Variants in SGCZ observed in about 807,000 individuals in gnomAD.
SGCZ encodes the protein sarcoglycan zeta.
Under a neutral mutation model 41.3 loss-of-function variants are expected in SGCZ, and 40 were observed. That is an observed-to-expected ratio of 0.97 (90% CI 0.75 to 1.26). SGCZ has a LOEUF of 1.26. Ranked by LOEUF, SGCZ falls within the 50% of genes most tolerant of loss-of-function variation. SGCZ has a pLI of 0.00. For synonymous variants in SGCZ, 206 were observed against 137.5 expected, an observed-to-expected ratio of 1.50 and a Z score of -3.49; for missense variants, 552 against 369.8, an observed-to-expected ratio of 1.49 and a Z score of -4.04.
rs117502667 is a variant in SGCZ, at chr8:14,312,567, G to A, written c.336+11536C>T. ...CCAGGAACTTGAAGCTCCAGTGTGCGATAATCACACCTGTGAATAGCCACT... is the reference window on the plus strand; with the variant it reads ...CCAGGAACTTGAAGCTCCAGTGTGCAATAATCACACCTGTGAATAGCCACT... On this transcript the variant is annotated intron_variant, in intron 3 of 7. Coordinates refer to ENST00000382080, the MANE Select transcript of SGCZ (RefSeq NM_139167.4). Among the ~76,000 whole-genome samples, 1,395 of 152,148 alleles carry A rather than the reference G, an allele frequency of 9.2e-3. 11 individuals carry two copies. The highest frequency in any genetic ancestry group is 0.031 in the Middle Eastern group (9 of 294).
chr8:14,406,067 T>C (rs1192802130), intron 2 of SGCZ, among the ~76,000 whole-genome samples: 1 of 151,768 alleles, frequency 6.6e-6, no homozygotes, highest in African/African-American at 2.4e-5. Flanking sequence ...AATATATGCA[T>C]GATCTCATCT....
At chr8:15,216,556 G>C (rs1047348830) in intron 1 of SGCZ, among the ~76,000 whole-genome samples, 1 of 151,878 alleles carries the variant, frequency 6.6e-6, no homozygotes, top group Non-Finnish European at 1.5e-5. Flanking sequence ...ACGTAACAAA[G>C]ACCCTGTACA....
chr8:15,132,893 C>T (rs1009593383), intron 1 of SGCZ, among the ~76,000 whole-genome samples: 3 of 152,086 alleles, frequency 2.0e-5, no homozygotes, highest in Non-Finnish European at 2.9e-5. Flanking sequence ...GTAATCTCAC[C>T]ACTTTGGAAA....
chr8:14,382,626 T>C (rs187970609), intron 2 of SGCZ, among the ~76,000 whole-genome samples: 1 of 152,240 alleles, frequency 6.6e-6, no homozygotes, highest in African/African-American at 2.4e-5. Context: ...TATTTGAGAT[T>C]GAGGGTTAAA....
At chr8:14,115,532 G>C (rs1461777146) in intron 5 of SGCZ, among the ~76,000 whole-genome samples, 2 of 151,896 alleles carry the variant, frequency 1.3e-5, no homozygotes, top group African/African-American at 2.4e-5. Context: ...ATAAAGTCTA[G>C]ATAAGCTTTC....
intron 1 of SGCZ, among the ~76,000 whole-genome samples, chr8:14,972,377 C>T (rs1465459619): frequency 1.3e-5 from 2 of 151,914 alleles, no homozygotes; most frequent in African/African-American, 2.4e-5. Flanking sequence ...CCATGTTTTA[C>T]TGTTAACTTA....
chr8:14,387,786 A>C (rs1585438052), intron 2 of SGCZ, among the ~76,000 whole-genome samples: 3 of 152,230 alleles, frequency 2.0e-5, no homozygotes, highest in Admixed American at 2.0e-4. Flanking sequence ...TTAAGGTTCT[A>C]TTTAGGTTAC....
chr8:14,492,194 A>T (rs1801860591), intron 2 of SGCZ, among the ~76,000 whole-genome samples: 1 of 152,210 alleles, frequency 6.6e-6, no homozygotes, highest in African/African-American at 2.4e-5. Flanking sequence ...ACATGAATCC[A>T]CCAGCAGTTA....
At chr8:14,142,338 T>C (rs150752836) in intron 5 of SGCZ, among the ~76,000 whole-genome samples, 372 of 151,944 alleles carry the variant, frequency 2.4e-3, no homozygotes, top group African/African-American at 8.1e-3. Context: ...AAAAAAGAAA[T>C]ATGAAAACAC....
At chr8:14,928,254 G>T (rs941201187) in intron 1 of SGCZ, among the ~76,000 whole-genome samples, 1 of 152,080 alleles carries the variant, frequency 6.6e-6, no homozygotes, top group Non-Finnish European at 1.5e-5. Context: ...CAGAATGTTG[G>T]CATAGGACTT....
At chr8:14,188,922 C>T (rs1156394556) in intron 4 of SGCZ, among the ~76,000 whole-genome samples, 2 of 150,864 alleles carry the variant, frequency 1.3e-5, no homozygotes, top group African/African-American at 4.9e-5. Context: ...ACCTCCATCA[C>T]CCGGGTTCGA....
At chr8:14,368,350 A>G (rs1803789174) in intron 2 of SGCZ, among the ~76,000 whole-genome samples, 1 of 152,066 alleles carries the variant, frequency 6.6e-6, no homozygotes, top group Admixed American at 6.6e-5. Context: ...TATTAGCGGT[A>G]AGAGAAAAAA....
chr8:14,499,092 T>G (rs1585597657), intron 2 of SGCZ, among the ~76,000 whole-genome samples: 1 of 152,012 alleles, frequency 6.6e-6, no homozygotes, highest in Non-Finnish European at 1.5e-5. Flanking sequence ...TTATTTTAGT[T>G]GATCATTCAT....
chr8:15,016,989 G>A, intron 1 of SGCZ, among the ~76,000 whole-genome samples: 1 of 152,096 alleles, frequency 6.6e-6, no homozygotes, highest in East Asian at 1.9e-4. Flanking sequence ...CATTCCTGAA[G>A]GATCCACCCC....
intron 2 of SGCZ, among the ~76,000 whole-genome samples, chr8:14,373,854 C>G (rs947447981): frequency 6.6e-6 from 1 of 152,026 alleles, no homozygotes; most frequent in African/African-American, 2.4e-5. Flanking sequence ...GATTCTAGAT[C>G]TCTGAGAAAT....
chr8:14,106,561 A>T (rs1177273747), intron 6 of SGCZ, among the ~76,000 whole-genome samples: 3 of 152,200 alleles, frequency 2.0e-5, no homozygotes, highest in Non-Finnish European at 4.4e-5. Flanking sequence ...ACTCTGACTA[A>T]AAAATTTACT....
intron 2 of SGCZ, among the ~76,000 whole-genome samples, chr8:14,433,132 C>T (rs954892939): frequency 4.6e-5 from 7 of 152,006 alleles, no homozygotes; most frequent in African/African-American, 1.7e-4. Context: ...AATAAAATTG[C>T]AGTTATTCTT....
intron 2 of SGCZ, among the ~76,000 whole-genome samples, chr8:14,544,445 G>T (rs959742529): frequency 1.3e-5 from 2 of 152,096 alleles, no homozygotes; most frequent in African/African-American, 4.8e-5. Context: ...GGGAAAAACA[G>T]CCGTATTTTC....
At chr8:15,071,764 G>T (rs536046756) in intron 1 of SGCZ, among the ~76,000 whole-genome samples, 2 of 152,164 alleles carry the variant, frequency 1.3e-5, no homozygotes, top group African/African-American at 4.8e-5. Context: ...ATGGGTAGTC[G>T]GGTATGACCT....
Sources: gnomAD v4.1 joint callset for allele counts (sites outside exome capture counted in the v4.1 genomes callset) on GRCh38, gnomAD v4.1.1 for gene constraint, MANE v1.5 for transcripts, NCBI Gene and HGNC (gene_info 2026-07-23, HGNC 2026-07-21) for gene names.